EYA1: variants seen among roughly 807,000 people sequenced by gnomAD.
The protein encoded by EYA1 is protein phosphatase EYA1.
Under a neutral mutation model 82.0 loss-of-function variants are expected in EYA1, and 16 were observed. The observed-to-expected ratio is 0.20, with a 90% CI of 0.13 to 0.30. The LOEUF (loss-of-function observed/expected upper bound fraction) is 0.30, where lower values mean the gene tolerates loss of function less well. EYA1 is among the 10% of genes least tolerant of loss of function. The pLI, the probability that EYA1 is intolerant of heterozygous loss-of-function variation, is 1.00. For synonymous variants in EYA1, 261 were observed against 264.4 expected, an observed-to-expected ratio of 0.99 and a Z score of 0.12; for missense variants, 633 against 730.7, an observed-to-expected ratio of 0.87 and a Z score of 1.54.
chr8:71,334,348 A>G, intron 3 of EYA1, 174 bp from the exon 4 acceptor site: 1 of 684,536 alleles, frequency 1.5e-6, no homozygotes. Flanking sequence ...TTCACATATT[A>G]AGTTCTTTCC....
In EYA1 at chr8:71,321,737, A is replaced by G. The variant is rs763614581; in HGVS notation, c.415T>C (p.Tyr139His). The change falls in exon 6 of 18, where the codon TAT (tyrosine) becomes CAT (histidine). Residue 139 changes from tyrosine to histidine, a missense_variant. By Grantham distance (83) the Tyr-to-His change is moderately conservative. Transcript: ENST00000340726. ...QPGQPYGISS[Y>H]GALWAGIKTE... is the part of the protein sequence containing the mutation. ...ACTACAGTTGCAGGTTACTCACCAT[A>G]TGAGGAAATGCCGTACGGCTGTCCT... 2 of 1,614,094 alleles carry G rather than the reference A, an allele frequency of 1.2e-6. No individual in the cohort carries two copies. The highest frequency in any genetic ancestry group is 1.7e-6 in the Non-Finnish European group (2 of 1,179,974).
intron 2 of EYA1, among the ~76,000 whole-genome samples, chr8:71,482,242 C>A (rs1810220496): frequency 6.6e-6 from 1 of 152,108 alleles, no homozygotes; most frequent in Non-Finnish European, 1.5e-5. Context: ...ATGATCTGAA[C>A]AGGAACTTCC....
intron 2 of EYA1, among the ~76,000 whole-genome samples, chr8:71,453,294 T>C (rs1057149767): frequency 2.6e-5 from 4 of 152,210 alleles, no homozygotes; most frequent in Non-Finnish European, 5.9e-5. Flanking sequence ...CTACGTCTAA[T>C]TGGTGAGCCT....
chr8:71,363,100 A>G (rs1827532217), upstream of EYA1, among the ~76,000 whole-genome samples: 1 of 152,152 alleles, frequency 6.6e-6, no homozygotes, highest in African/African-American at 2.4e-5. Flanking sequence ...CTGTTTTGTC[A>G]TCACCCATAG....
intron 1 of EYA1, among the ~76,000 whole-genome samples, chr8:71,541,800 G>A (rs1408093570): frequency 6.6e-6 from 1 of 152,102 alleles, no homozygotes; most frequent in Non-Finnish European, 1.5e-5. Flanking sequence ...TTTTACTAGG[G>A]TGATATATTG....
chr8:71,208,564 A>G (rs1425088446), intron 17 of EYA1, among the ~76,000 whole-genome samples: 1 of 152,178 alleles, frequency 6.6e-6, no homozygotes, highest in Non-Finnish European at 1.5e-5. Flanking sequence ...AAATGTATTG[A>G]GCACCCATTT....
chr8:71,253,316 C>T (rs571751366), intron 11 of EYA1, among the ~76,000 whole-genome samples: 12 of 151,950 alleles, frequency 7.9e-5, no homozygotes, highest in Non-Finnish European at 1.6e-4. Flanking sequence ...TGGACTGTGC[C>T]CACTCCAGGA....
intron 11 of EYA1, among the ~76,000 whole-genome samples, chr8:71,267,749 T>C (rs916227002): frequency 9.9e-5 from 15 of 152,020 alleles, no homozygotes; most frequent in Non-Finnish European, 1.8e-4. Context: ...GGGGTTTCAC[T>C]GTGTTAGCCA....
chr8:71,407,919 G>C (rs981107076), intron 2 of EYA1, among the ~76,000 whole-genome samples: 47 of 145,818 alleles, frequency 3.2e-4, no homozygotes, highest in African/African-American at 1.2e-3. Flanking sequence ...ACACGTAATT[G>C]TCAGATTCAC....
At chr8:71,488,092 A>C (rs1405193074) in intron 2 of EYA1, among the ~76,000 whole-genome samples, 2 of 152,226 alleles carry the variant, frequency 1.3e-5, no homozygotes, top group Non-Finnish European at 2.9e-5. Flanking sequence ...CATGATATAA[A>C]GGATAAATAA....
At chr8:71,288,619 T>A (rs1256610115) in intron 9 of EYA1, among the ~76,000 whole-genome samples, 1 of 152,228 alleles carries the variant, frequency 6.6e-6, no homozygotes, top group East Asian at 1.9e-4. Flanking sequence ...TTTGTAGATA[T>A]AAGAGAGTAG....
chr8:71,410,077 C>T (rs565580209), intron 2 of EYA1, among the ~76,000 whole-genome samples: 139 of 152,130 alleles, frequency 9.1e-4, no homozygotes, highest in Admixed American at 2.5e-3. Context: ...GTTCAATATA[C>T]GCAAATCAAT....
intron 16 of EYA1, 86 bp downstream of exon 16, chr8:71,215,301 G>C: frequency 7.4e-7 from 1 of 1,349,822 alleles, no homozygotes; most frequent in Non-Finnish European, 1.1e-6. Context: ...TAGCATTCTG[G>C]AAAAAAAGTT....
chr8:71,503,370 G>A (rs372281729), intron 2 of EYA1, among the ~76,000 whole-genome samples: 1 of 152,042 alleles, frequency 6.6e-6, no homozygotes, highest in Non-Finnish European at 1.5e-5. Context: ...TTACTCGGGA[G>A]GCTGAGACAG....
chr8:71,261,415 G>A (rs1563714985), intron 11 of EYA1, among the ~76,000 whole-genome samples: 1 of 152,140 alleles, frequency 6.6e-6, no homozygotes. Context: ...TACCAAGAGA[G>A]ACTGTATACA....
chr8:71,304,754 G>C lies in EYA1; in HGVS notation c.557-5034C>G, dbSNP rs1326351980. 2.1e-5 allele frequency among the ~76,000 whole-genome samples: 3 copies of C among 142,996 alleles called. 1 individual carries two copies. The highest frequency in any genetic ancestry group is 4.1e-4 in the East Asian group (2 of 4,852). 93.8% of individuals were successfully genotyped at this position (142,996 alleles called of 152,430 possible). A position where few individuals can be genotyped will look rare whatever the true frequency, so the allele number is the denominator to read the frequency against. On this transcript the variant is annotated intron_variant, in intron 7 of 17. Transcript: ENST00000340726. ...GAAGCTTCTCAGAGCCTATCTGTGT[G>C]GGGTATTTCTGGTTCTTGAGCTGAG...
chr8:71,428,236 GTTT>G (rs1378153218), intron 2 of EYA1, among the ~76,000 whole-genome samples: 2 of 152,136 alleles, frequency 1.3e-5, no homozygotes, highest in Non-Finnish European at 2.9e-5. Flanking sequence ...GGATAAGCAT[GTTT>G]TTTGGGGGAG....
chr8:71,510,232 A>G (rs1812493715), intron 2 of EYA1, among the ~76,000 whole-genome samples: 1 of 152,132 alleles, frequency 6.6e-6, no homozygotes, highest in Non-Finnish European at 1.5e-5. Flanking sequence ...TCTGAAGCAA[A>G]GCAAACCCCA....
intron 2 of EYA1, among the ~76,000 whole-genome samples, chr8:71,370,062 A>C (rs1411055183): frequency 6.6e-6 from 1 of 152,126 alleles, no homozygotes; most frequent in African/African-American, 2.4e-5. Context: ...CATATACCAC[A>C]TTCTAGCTAT....
Sources: gnomAD v4.1 joint callset for allele counts (sites outside exome capture counted in the v4.1 genomes callset) on GRCh38, gnomAD v4.1.1 for gene constraint, MANE v1.5 for transcripts, NCBI Gene and HGNC (gene_info 2026-07-23, HGNC 2026-07-21) for gene names.